STXBP5L: variants seen among roughly 807,000 people sequenced by gnomAD.
STXBP5L encodes syntaxin-binding protein 5-like.
A neutral mutation model predicts 144.5 loss-of-function variants in STXBP5L; 65 were observed. That is an observed-to-expected ratio of 0.45 (90% CI 0.37 to 0.55). The LOEUF is 0.55. Among genes scored for constraint, STXBP5L ranks in the 20% least tolerant of loss-of-function variants. The pLI is 0.00. For synonymous variants in STXBP5L, 505 were observed against 469.6 expected (o/e 1.08, Z -0.97); for missense variants, 1,298 against 1,405.5 (o/e 0.92, Z 1.22).
At chr3:121,261,452 T>G (rs2050378460) in intron 18 of STXBP5L, among the ~76,000 whole-genome samples, 1 of 152,126 alleles carries the variant, frequency 6.6e-6, no homozygotes, top group African/African-American at 2.4e-5. Context: ...TGCAAAAACT[T>G]GAAAAGGGTA....
chr3:121,029,882 C>T (rs901281887), intron 3 of STXBP5L, among the ~76,000 whole-genome samples: 8 of 151,616 alleles, frequency 5.3e-5, no homozygotes, highest in Admixed American at 3.9e-4. Flanking sequence ...TGAACAGAGA[C>T]TTCTCAAAAG....
intron 22 of STXBP5L, among the ~76,000 whole-genome samples, chr3:121,388,582 A>C (rs2046489719): frequency 1.3e-5 from 2 of 152,152 alleles, no homozygotes; most frequent in South Asian, 4.1e-4. Flanking sequence ...TACCTAGTTT[A>C]TTGAGAGTTA....
chr3:121,388,833 G>T (rs1048760673), intron 22 of STXBP5L, among the ~76,000 whole-genome samples: 3 of 152,196 alleles, frequency 2.0e-5, no homozygotes, highest in African/African-American at 7.2e-5. Flanking sequence ...GTTCATCACA[G>T]ATATTGCTCT....
At chr3:121,219,001 T>C (rs748564165) in intron 10 of STXBP5L, among the ~76,000 whole-genome samples, 5 of 152,162 alleles carry the variant, frequency 3.3e-5, no homozygotes, top group Non-Finnish European at 7.4e-5. Context: ...TAGTTAAAAT[T>C]ATTCAAGTAT....
intron 19 of STXBP5L, among the ~76,000 whole-genome samples, chr3:121,309,493 T>C (rs528438195): frequency 2.0e-5 from 3 of 152,136 alleles, no homozygotes; most frequent in East Asian, 1.9e-4. Context: ...ACAAAATACA[T>C]GAAGCAATGC....
intron 5 of STXBP5L, among the ~76,000 whole-genome samples, chr3:121,093,986 G>C (rs1324284189): frequency 6.6e-6 from 1 of 151,854 alleles, no homozygotes. Context: ...TGTTCTCGTT[G>C]GTTTCAAAGA....
chr3:121,061,861 T>A (rs754215852), intron 5 of STXBP5L, among the ~76,000 whole-genome samples: 3 of 152,226 alleles, frequency 2.0e-5, no homozygotes, highest in Non-Finnish European at 4.4e-5. Flanking sequence ...CCTATGTGTG[T>A]CTTTGCACAT....
chr3:121,060,433 C>G (rs2041213094), intron 5 of STXBP5L, among the ~76,000 whole-genome samples: 1 of 152,008 alleles, frequency 6.6e-6, no homozygotes, highest in Non-Finnish European at 1.5e-5. Flanking sequence ...CTGAAATTTT[C>G]CTTGTTTGTT....
At chr3:121,204,638 GGTATCTATGTAATAGATAATGTATTA>G (rs2048266999) in intron 9 of STXBP5L, among the ~76,000 whole-genome samples, 2 of 151,502 alleles carry the variant, frequency 1.3e-5, no homozygotes, top group Non-Finnish European at 3.0e-5. Context: ...GTATTACATA[GGTATCTATGTAATAGATAATGTATTA>G]CATAGGTATC....
chr3:121,066,947 G>A (rs928899772), intron 5 of STXBP5L, among the ~76,000 whole-genome samples: 4 of 152,046 alleles, frequency 2.6e-5, no homozygotes, highest in East Asian at 3.9e-4. Flanking sequence ...GGTAAGTTGT[G>A]TTTTTGAAGA....
intron 18 of STXBP5L, among the ~76,000 whole-genome samples, chr3:121,266,628 G>T (rs191813105): frequency 1.6e-4 from 24 of 152,252 alleles, no homozygotes; most frequent in Admixed American, 7.2e-4. Flanking sequence ...TCTGGCCAGG[G>T]CAATCAGGCA....
At position 121,381,450 on chromosome 3, in the gene STXBP5L, G is replaced by A; in HGVS notation, c.2505G>A (p.Leu835=). ...CTTGTCTGTTCGTTGGAACCAGTCT[G>A]GGAATGGTGTTAATCATCTCCTTAA... ...ISPCLFVGTS[L]GMVLIISLNL... is the part of the protein sequence containing the mutation. The change falls in exon 22 of 27, where the codon CTG becomes CTA. Residue 835 remains leucine (L), a synonymous_variant. Coordinates refer to ENST00000471454, the MANE Select transcript of STXBP5L (RefSeq NM_001308330.2). 1 of 1,601,076 alleles carries A rather than the reference G, an allele frequency of 6.2e-7. No individual in the cohort carries two copies. Among genetic ancestry groups the A allele is most frequent in the East Asian group, 2.2e-5 (1 of 44,764 alleles).
intron 18 of STXBP5L, among the ~76,000 whole-genome samples, chr3:121,270,144 TTGCTC>T (rs2050693324): frequency 6.6e-6 from 1 of 152,156 alleles, no homozygotes; most frequent in Non-Finnish European, 1.5e-5. Context: ...ATTGAGGGTT[TTGCTC>T]TGAACTTGGA....
intron 22 of STXBP5L, among the ~76,000 whole-genome samples, chr3:121,399,426 C>T (rs1481685641): frequency 1.3e-5 from 2 of 152,120 alleles, no homozygotes; most frequent in Non-Finnish European, 2.9e-5. Flanking sequence ...GAATTAAAGA[C>T]ACACACACAG....
intron 19 of STXBP5L, among the ~76,000 whole-genome samples, chr3:121,304,113 A>G (rs536599293): frequency 6.6e-6 from 1 of 152,176 alleles, no homozygotes; most frequent in African/African-American, 2.4e-5. Flanking sequence ...GGCTATATTA[A>G]TATTAGATGA....
At chr3:121,375,802 G>T (rs1334722940) in intron 20 of STXBP5L, among the ~76,000 whole-genome samples, 2 of 152,006 alleles carry the variant, frequency 1.3e-5, no homozygotes, top group Non-Finnish European at 2.9e-5. Flanking sequence ...CCAAGTACTA[G>T]TTCTTCATGT....
intron 10 of STXBP5L, among the ~76,000 whole-genome samples, chr3:121,212,823 A>G (rs575343495): frequency 6.6e-6 from 1 of 152,046 alleles, no homozygotes; most frequent in Non-Finnish European, 1.5e-5. Flanking sequence ...CATTTTCGTG[A>G]TATTGATTCT....
chr3:121,241,964 C>A (rs2108339431), intron 14 of STXBP5L, among the ~76,000 whole-genome samples: 1 of 152,184 alleles, frequency 6.6e-6, no homozygotes, highest in South Asian at 2.1e-4. Context: ...AGAAACCCTG[C>A]CTGCCAAAAG....
At chr3:121,351,565 A>G (rs1345957294) in intron 20 of STXBP5L, among the ~76,000 whole-genome samples, 1 of 152,082 alleles carries the variant, frequency 6.6e-6, no homozygotes, top group Non-Finnish European at 1.5e-5. Flanking sequence ...AATTTGTTTA[A>G]GTTCTTTGTA....
Sources: gnomAD v4.1 joint callset for allele counts (sites outside exome capture counted in the v4.1 genomes callset) on GRCh38, gnomAD v4.1.1 for gene constraint, MANE v1.5 for transcripts, NCBI Gene and HGNC (gene_info 2026-07-23, HGNC 2026-07-21) for gene names.